ADAMTS17: variants seen among roughly 807,000 people sequenced by gnomAD.
ADAMTS17 encodes A disintegrin and metalloproteinase with thrombospondin motifs 17.
In ADAMTS17, 113 loss-of-function variants were observed where a neutral mutation model predicts 141.5. The observed-to-expected ratio is 0.80, with a 90% CI of 0.69 to 0.93. The LOEUF is 0.93. Among genes scored for constraint, ADAMTS17 ranks in the 40% least tolerant of loss-of-function variants. The probability of loss-of-function intolerance (pLI) is 0.00; values close to 1 mark genes in which losing one functional copy is unlikely to be tolerated. For missense variants in ADAMTS17, 1,659 were observed against 1,517.9 expected, an observed-to-expected ratio of 1.09 and a Z score of -1.54; for synonymous variants, 768 against 630.6, an observed-to-expected ratio of 1.22 and a Z score of -3.27.
chr15:100,207,052 A>C (rs2041599054), intron 7 of ADAMTS17, among the ~76,000 whole-genome samples: 2 of 152,198 alleles, frequency 1.3e-5, no homozygotes, highest in Non-Finnish European at 2.9e-5. Flanking sequence ...TGAAATTCAG[A>C]GGTTGAAGCC....
chr15:100,055,879 G>A (rs1390990625), intron 15 of ADAMTS17, among the ~76,000 whole-genome samples: 1 of 152,166 alleles, frequency 6.6e-6, no homozygotes, highest in African/African-American at 2.4e-5. Flanking sequence ...GTGAGGCAAT[G>A]GGGGCAGAGA....
At chr15:100,203,879 C>G (rs2041433849) in intron 7 of ADAMTS17, among the ~76,000 whole-genome samples, 1 of 150,634 alleles carries the variant, frequency 6.6e-6, no homozygotes, top group Non-Finnish European at 1.5e-5. Context: ...GCCTGGGTGA[C>G]AGACCAAGAC....
rs187715181 is a variant in ADAMTS17, at chr15:100,043,302, C to A, written c.2591+5555G>T. Among the ~76,000 whole-genome samples, 112 of 152,270 alleles carry A rather than the reference C, an allele frequency of 7.4e-4. 1 individual carries two copies. Among genetic ancestry groups the A allele is most frequent in the Admixed American group, 3.9e-4 (6 of 15,304 alleles). On this transcript the variant is annotated intron_variant, in intron 18 of 21. Transcript: ENST00000268070. ...CTTCTCTGCTCTAAGTAATTCCACT[C>A]ATTCTTTAAGTCTGATTCACATGAT...
chr15:100,139,443 T>C (rs1290127757), intron 10 of ADAMTS17, among the ~76,000 whole-genome samples: 1 of 152,194 alleles, frequency 6.6e-6, no homozygotes, highest in African/African-American at 2.4e-5. Flanking sequence ...GCCCCCGAGC[T>C]ATAGGGGGCA....
At chr15:100,098,205 T>A (rs539530544) in intron 14 of ADAMTS17, among the ~76,000 whole-genome samples, 1 of 152,116 alleles carries the variant, frequency 6.6e-6, no homozygotes, top group African/African-American at 2.4e-5. Flanking sequence ...GGCAACCAAC[T>A]GCAATGCTTT....
chr15:100,009,906 A>C (rs1401236376), intron 18 of ADAMTS17, among the ~76,000 whole-genome samples: 1 of 152,178 alleles, frequency 6.6e-6, no homozygotes, highest in African/African-American at 2.4e-5. Context: ...TTTGAGTTTG[A>C]TATGGTTTGG....
intron 14 of ADAMTS17, among the ~76,000 whole-genome samples, chr15:100,097,516 C>T (rs1397832883): frequency 6.6e-6 from 1 of 152,262 alleles, no homozygotes; most frequent in African/African-American, 2.4e-5. Flanking sequence ...AGAGCTAGCA[C>T]AGCGCCTCGG....
At chr15:100,172,985 A>C (rs1478197376) in intron 8 of ADAMTS17, among the ~76,000 whole-genome samples, 1 of 152,134 alleles carries the variant, frequency 6.6e-6, no homozygotes, top group Non-Finnish European at 1.5e-5. Context: ...GTGCTTCTCA[A>C]ACTTCTGTGC....
At chr15:100,230,194 G>A (rs1186529482) in intron 7 of ADAMTS17, among the ~76,000 whole-genome samples, 2 of 152,232 alleles carry the variant, frequency 1.3e-5, no homozygotes, top group Admixed American at 1.3e-4. Context: ...GCTTGCAGAA[G>A]AGCACAAACA....
rs116991564 is a variant in ADAMTS17 at position 100,108,469 on chromosome 15, C to T, written c.2016+520G>A. 5.1e-3 allele frequency among the ~76,000 whole-genome samples: 784 copies of T among 152,262 alleles called. 28 individuals are homozygous for T. The highest frequency in any genetic ancestry group is 0.04 in the Admixed American group (605 of 15,286). ...GATTATAGGCATGAGCCACCGCACCCGGCCTCTCTTTCTTCACTTAAATGG... is the reference window on the plus strand; with the variant it reads ...GATTATAGGCATGAGCCACCGCACCTGGCCTCTCTTTCTTCACTTAAATGG... On this transcript the variant is annotated intron_variant, in intron 14 of 21. Coordinates refer to ENST00000268070, the MANE Select transcript of ADAMTS17 (RefSeq NM_139057.4).
At chr15:100,161,075 CT>C (rs1325890631) in intron 8 of ADAMTS17, among the ~76,000 whole-genome samples, 3 of 152,328 alleles carry the variant, frequency 2.0e-5, no homozygotes, top group Admixed American at 6.5e-5. Flanking sequence ...ACAGATGGGC[CT>C]TGTGTCTCAC....
At chr15:100,007,648 A>C (rs1364019103) in intron 18 of ADAMTS17, among the ~76,000 whole-genome samples, 1 of 152,078 alleles carries the variant, frequency 6.6e-6, no homozygotes, top group Non-Finnish European at 1.5e-5. Flanking sequence ...TCTGAGCCCA[A>C]GAATGTTGGT....
intron 12 of ADAMTS17, among the ~76,000 whole-genome samples, chr15:100,119,613 A>T (rs1469441121): frequency 6.6e-6 from 1 of 152,210 alleles, no homozygotes; most frequent in Non-Finnish European, 1.5e-5. Flanking sequence ...TTCACCTCTG[A>T]CAGTGAGGAG....
Position 99,999,077 on chromosome 15 carries a change from G to A in ADAMTS17, c.2592-1488C>T, listed in dbSNP as rs575254217. ...CGGTGCCAGCTGTCTCTCGCTTTCC[G>A]GTCCCAGCTGAGTGGCTCATCTGCC... On this transcript the variant is annotated intron_variant, in intron 18 of 21. Coordinates refer to ENST00000268070, the MANE Select transcript of ADAMTS17 (RefSeq NM_139057.4). Among the ~76,000 whole-genome samples, 76 of 152,204 alleles carry A rather than the reference G, an allele frequency of 5.0e-4. No homozygotes were observed. In the South Asian group the frequency reaches 6.4e-3, roughly 13 times the overall value.
intron 14 of ADAMTS17, among the ~76,000 whole-genome samples, chr15:100,108,297 G>A (rs547974647): frequency 1.3e-5 from 2 of 151,948 alleles, no homozygotes; most frequent in Admixed American, 6.6e-5. Flanking sequence ...TCAGCCTCCC[G>A]AGTAGCTGGG....
At chr15:100,175,079 C>T (rs945507249) in intron 8 of ADAMTS17, among the ~76,000 whole-genome samples, 12 of 152,294 alleles carry the variant, frequency 7.9e-5, no homozygotes, top group Admixed American at 4.6e-4. Flanking sequence ...ACCCTCCCCT[C>T]GCAGCCTACT....
intron 7 of ADAMTS17, among the ~76,000 whole-genome samples, chr15:100,252,261 G>C (rs181879140): frequency 2.0e-5 from 3 of 152,166 alleles, no homozygotes; most frequent in Non-Finnish European, 4.4e-5. Flanking sequence ...ATGAACACTG[G>C]CATTGGAGTC....
chr15:100,053,716 G>C (rs2032322529), intron 16 of ADAMTS17, among the ~76,000 whole-genome samples, 181 bp downstream of exon 16: 1 of 152,162 alleles, frequency 6.6e-6, no homozygotes, highest in Non-Finnish European at 1.5e-5. Context: ...TTGTGCAAGG[G>C]ACTGGAAAAG....
At chr15:100,217,390 G>A (rs2042001514) in intron 7 of ADAMTS17, among the ~76,000 whole-genome samples, 1 of 152,188 alleles carries the variant, frequency 6.6e-6, no homozygotes, top group African/African-American at 2.4e-5. Flanking sequence ...TGAGGTCCAG[G>A]AGTTCAAGAC....
Sources: gnomAD v4.1 joint callset for allele counts (sites outside exome capture counted in the v4.1 genomes callset) on GRCh38, gnomAD v4.1.1 for gene constraint, MANE v1.5 for transcripts, NCBI Gene and HGNC (gene_info 2026-07-23, HGNC 2026-07-21) for gene names.